Variants in DHX15 observed in about 807,000 individuals in gnomAD.
DHX15 encodes ATP-dependent RNA helicase DHX15.
In DHX15, 11 loss-of-function variants were observed where a neutral mutation model predicts 94.4. That is an observed-to-expected ratio of 0.12 (90% CI 0.07 to 0.19). The LOEUF is 0.19. Ranked by LOEUF, DHX15 falls within the 10% of genes least tolerant of loss-of-function variation. The pLI, the probability that DHX15 is intolerant of heterozygous loss-of-function variation, is 1.00. For missense variants in DHX15, 304 were observed against 988.5 expected (o/e 0.31, Z 9.29); for synonymous variants, 338 against 329.9 (o/e 1.02, Z -0.27).
rs1452940275 is a variant in DHX15 at position 24,541,849 on chromosome 4, G to C, written c.1485+24C>G. 5 of 1,523,090 alleles carry C rather than the reference G, an allele frequency of 3.3e-6. No homozygotes were observed. The African/African-American group carries it at 5.6e-5, about 17-fold the overall frequency. 94.3% of individuals were successfully genotyped at this position (1,523,090 alleles called of 1,614,324 possible). ...TCAACCTAACATTTTAAACATATCG[G>C]CAGGAAACGACAATACCCCATACCT... On this transcript the variant is annotated intron_variant, in intron 8 of 13. Coordinates refer to ENST00000336812, the MANE Select transcript of DHX15 (RefSeq NM_001358.3).
At chr4:24,549,628 C>G (rs1030951473) in intron 5 of DHX15, among the ~76,000 whole-genome samples, 3 of 152,156 alleles carry the variant, frequency 2.0e-5, no homozygotes, top group Admixed American at 6.5e-5. Flanking sequence ...TTAGGCGATT[C>G]TGTTGTTGTG....
At chr4:24,541,291 T>G (rs1344695864) in intron 8 of DHX15, among the ~76,000 whole-genome samples, 4 of 152,134 alleles carry the variant, frequency 2.6e-5, no homozygotes, top group Non-Finnish European at 5.9e-5. Flanking sequence ...AAGTTTAAAT[T>G]GTGCACCATT....
In DHX15 at chr4:24,548,942, T is replaced by A; in HGVS notation, c.1161A>T (p.Pro387=). The A allele has an allele frequency of 6.2e-7, 1 of 1,613,934 alleles. No individual in the cohort carries two copies. The highest frequency in any genetic ancestry group is 8.5e-7 in the Non-Finnish European group (1 of 1,179,862). Residue 387 remains proline, a synonymous_variant, in exon 6 of 14, where the codon CCA becomes CCT. Coordinates refer to ENST00000336812, the MANE Select transcript of DHX15 (RefSeq NM_001358.3). ...GCTGAGGTGGAAGTGTAGAATACAA[T>A]GGAATGATTTTAATGTCACCAACTT... The part of the protein sequence containing the change: ...GPEVGDIKII[P]LYSTLPPQQQ...
Position 24,532,905 on chromosome 4 carries a change from T to C in DHX15, c.2059A>G (p.Ile687Val), listed in dbSNP as rs1185144261. 2 of 1,613,150 alleles carry C rather than the reference T, an allele frequency of 1.2e-6. No homozygotes were observed. Among genetic ancestry groups the C allele is most frequent in the South Asian group, 1.1e-5 (1 of 90,950 alleles). The change falls in exon 12 of 14, where the codon ATT (isoleucine) becomes GTT (valine). Residue 687 changes from isoleucine to valine, a missense_variant. By Grantham distance (29) the Ile-to-Val change is conservative. Around this residue, in one of 9 missense-constraint regions of DHX15, gnomAD observed 44 missense variants for 236.7 expected, o/e 0.19. Transcript: ENST00000336812. ...GTAACCAAAGCTTTTCTTATATTAA[T>C]ATAATAGTCCCTGCTTGTAAAGTCA... Reference protein sequence around the residue: ...STDFTSRDYYINIRKALVTGY... With the variant: ...STDFTSRDYYVNIRKALVTGY...
At chr4:24,543,672 T>C (rs997661634) in intron 6 of DHX15, among the ~76,000 whole-genome samples, 27 of 152,196 alleles carry the variant, frequency 1.8e-4, no homozygotes. Flanking sequence ...AGCATTTACA[T>C]ACTAATATGA....
chr4:24,532,602 CT>C (rs1321855968), intron 12 of DHX15, among the ~76,000 whole-genome samples: 1 of 152,196 alleles, frequency 6.6e-6, no homozygotes, highest in Non-Finnish European at 1.5e-5. Flanking sequence ...AACAAAGGCT[CT>C]ATTAATAAAA....
At chr4:24,548,712 C>T (rs983764782) in intron 6 of DHX15, 143 bp downstream of exon 6, 20 of 763,840 alleles carry the variant, frequency 2.6e-5, no homozygotes, top group Middle Eastern at 4.0e-4. Context: ...AAGAGATATG[C>T]GGAACCCTAC....
rs560693765 is a variant in DHX15 at position 24,551,301 on chromosome 4, A to G, written c.1081-2279T>C. Among the ~76,000 whole-genome samples the G allele has an allele frequency of 5.6e-4, 85 of 151,404 alleles. 1 individual carries two copies. Among genetic ancestry groups the G allele is most frequent in the Non-Finnish European group, 1.0e-3 (71 of 67,694 alleles). ...CCAATCAGAAGCTACCCTTGTCAACAAAGTGCGTGTTTTTTTCAAAGGACA... is the reference window on the plus strand; with the variant it reads ...CCAATCAGAAGCTACCCTTGTCAACGAAGTGCGTGTTTTTTTCAAAGGACA... On this transcript the variant is annotated intron_variant, in intron 5 of 13. Coordinates refer to ENST00000336812, the MANE Select transcript of DHX15 (RefSeq NM_001358.3).
At chr4:24,533,139 AG>A in intron 11 of DHX15, 85 bp from the exon 12 acceptor site, 1 of 1,173,986 alleles carries the variant, frequency 8.5e-7, no homozygotes, top group East Asian at 2.3e-5. Flanking sequence ...ATTGTTATAA[AG>A]AATAAGCTAA....
chr4:24,561,909 T>C (rs1029537955), intron 3 of DHX15, among the ~76,000 whole-genome samples: 1 of 152,024 alleles, frequency 6.6e-6, no homozygotes, highest in Non-Finnish European at 1.5e-5. Flanking sequence ...AGCAGGTCAA[T>C]CACTTGAGGT....
chr4:24,556,434 T>C (rs748869421), intron 3 of DHX15, 24 bp from the exon 4 acceptor site: 5 of 1,574,934 alleles, frequency 3.2e-6, no homozygotes, highest in African/African-American at 1.4e-5. Flanking sequence ...AACATGTTGG[T>C]TAAAGGTTCC....
chr4:24,538,414 A>C (rs146034518), intron 10 of DHX15: 1 of 152,268 alleles, frequency 6.6e-6, no homozygotes. Flanking sequence ...TAATTCATAA[A>C]AGCACACAAA....
chr4:24,583,996 A>G (rs1722543447), intron 1 of DHX15, among the ~76,000 whole-genome samples: 2 of 151,802 alleles, frequency 1.3e-5, no homozygotes, highest in Non-Finnish European at 2.9e-5. Flanking sequence ...AACCGAGGCC[A>G]CGAGGTCCGC....
At chr4:24,559,375 T>TAAAAAAA (rs535455690) in intron 3 of DHX15, among the ~76,000 whole-genome samples, 30 of 93,292 alleles carry the variant, frequency 3.2e-4, no homozygotes, top group African/African-American at 5.9e-4. Flanking sequence ...TTTAAGCCAC[T>TAAAAAAA]AAAAAAAAAA....
chr4:24,579,099 G>T (rs1316953709), intron 1 of DHX15, among the ~76,000 whole-genome samples: 7 of 152,176 alleles, frequency 4.6e-5, no homozygotes, highest in Non-Finnish European at 8.8e-5. Context: ...AAGGTTAGCT[G>T]CTGATCAAGC....
At chr4:24,557,954 T>C (rs149598786) in intron 3 of DHX15, among the ~76,000 whole-genome samples, 108 of 146,882 alleles carry the variant, frequency 7.4e-4, no homozygotes, top group African/African-American at 2.6e-3. Context: ...TTAGCTTCAA[T>C]AGAGCGGTCT....
intron 3 of DHX15, among the ~76,000 whole-genome samples, chr4:24,568,387 A>T (rs1288422942): frequency 6.6e-6 from 1 of 152,208 alleles, no homozygotes; most frequent in African/African-American, 2.4e-5. Context: ...ACTTAAAGGC[A>T]ACACCAGGTT....
intron 3 of DHX15, among the ~76,000 whole-genome samples, chr4:24,569,833 T>C (rs1292543925): frequency 6.6e-6 from 1 of 152,186 alleles, no homozygotes; most frequent in Non-Finnish European, 1.5e-5. Context: ...ATCACAGGCA[T>C]GATCAGAGCA....
chr4:24,554,956 A>C lies in DHX15; in HGVS notation c.862-13T>G, dbSNP rs1193966505. ...TCATAACTATAACCTGAAAGAAAAC[A>C]GTAAATTATTTGAAGCTGTCTTCAA... On this transcript the variant is annotated splice_polypyrimidine_tract_variant and intron_variant, in intron 4 of 13. Transcript: ENST00000336812. 6.2e-7 allele frequency: 1 copy of C among 1,601,356 alleles called. No individual in the cohort carries two copies. Among genetic ancestry groups the C allele is most frequent in the Non-Finnish European group, 8.6e-7 (1 of 1,169,366 alleles).
Sources: gnomAD v4.1 joint callset for allele counts (sites outside exome capture counted in the v4.1 genomes callset) on GRCh38, gnomAD v4.1.1 for gene constraint, gnomAD v4.1.1 regional missense constraint, MANE v1.5 for transcripts, NCBI Gene and HGNC (gene_info 2026-07-23, HGNC 2026-07-21) for gene names.